Variants in CR1L observed in about 807,000 individuals in gnomAD.
CR1L encodes complement component receptor 1-like protein.
Under a neutral mutation model 62.3 loss-of-function variants are expected in CR1L, and 59 were observed. The observed-to-expected ratio is 0.95, with a 90% confidence interval of 0.77 to 1.18. CR1L has a LOEUF of 1.18. Among genes scored for constraint, CR1L ranks in the 50% most tolerant of loss-of-function variants. CR1L has a pLI of 0.00. For synonymous variants in CR1L, 279 were observed against 248.7 expected (o/e 1.12, Z -1.15); for missense variants, 700 against 702.8 (o/e 1.00, Z 0.04).
chr1:207,678,563 A>T (rs1663741905), intron 3 of CR1L, among the ~76,000 whole-genome samples: 1 of 152,146 alleles, frequency 6.6e-6, no homozygotes, highest in Non-Finnish European at 1.5e-5. Flanking sequence ...AAAATGGGGG[A>T]AGAGTATAGT....
At chr1:207,646,123 G>A (rs1238806857) in intron 1 of CR1L, among the ~76,000 whole-genome samples, 2 of 151,886 alleles carry the variant, frequency 1.3e-5, no homozygotes, top group African/African-American at 2.4e-5. Context: ...CTGCTTTTTT[G>A]GGGGGTGGGT....
At chr1:207,719,585 G>T (rs574214639) in intron 11 of CR1L, among the ~76,000 whole-genome samples, 1 of 152,072 alleles carries the variant, frequency 6.6e-6, no homozygotes, top group African/African-American at 2.4e-5. Context: ...GCTGGGCGTG[G>T]TAGTGCATGC....
At chr1:207,645,457 G>A (rs1425536549) in intron 1 of CR1L, 127 bp downstream of exon 1, 3 of 1,048,072 alleles carry the variant, frequency 2.9e-6, no homozygotes, top group Non-Finnish European at 4.3e-6. Context: ...CGAGGCCAGG[G>A]TTCTCCGAGG....
chr1:207,648,166 C>T (rs1251553259), intron 1 of CR1L, among the ~76,000 whole-genome samples: 2 of 133,158 alleles, frequency 1.5e-5, no homozygotes, highest in African/African-American at 5.7e-5. Context: ...GAGTGAGACC[C>T]GGTCTCAAAC....
intron 4 of CR1L, among the ~76,000 whole-genome samples, chr1:207,693,669 A>G (rs1222992187): frequency 3.3e-5 from 5 of 152,138 alleles, no homozygotes; most frequent in African/African-American, 1.2e-4. Context: ...AAATGAGTTG[A>G]TAAGTTTTAT....
At chr1:207,680,608 T>C (rs1017971085) in intron 3 of CR1L, among the ~76,000 whole-genome samples, 6 of 152,312 alleles carry the variant, frequency 3.9e-5, no homozygotes, top group Admixed American at 3.9e-4. Flanking sequence ...AATTGTATAT[T>C]GTGAAATTAA....
At chr1:207,657,984 G>C (rs946817746) in intron 1 of CR1L, among the ~76,000 whole-genome samples, 1 of 151,962 alleles carries the variant, frequency 6.6e-6, no homozygotes, top group Non-Finnish European at 1.5e-5. Flanking sequence ...CAACAACAAG[G>C]CCAATCCCCA....
At chr1:207,686,138 T>TCCCTCCCTTCCTCCCTC (rs1558018827) in intron 4 of CR1L, among the ~76,000 whole-genome samples, 6 of 28,922 alleles carry the variant, frequency 2.1e-4, no homozygotes, top group African/African-American at 5.1e-4. Flanking sequence ...CTCCCTCCCT[T>TCCCTCCCTTCCTCCCTC]CCTTCCTTCC....
Position 207,694,654 on chromosome 1 carries a change from G to A in CR1L, c.765G>A (p.Glu255=), listed in dbSNP as rs908428829. 22 of 1,611,774 alleles carry A rather than the reference G, an allele frequency of 1.4e-5. No individual in the cohort carries two copies. The highest frequency in any genetic ancestry group is 1.7e-5 in the Non-Finnish European group (20 of 1,179,730). Residue 255 remains glutamate (E), a synonymous_variant, in exon 5 of 12, where the codon GAG becomes GAA. Coordinates refer to ENST00000508064, the MANE Select transcript of CR1L (RefSeq NM_175710.2). Reference sequence around the variant, plus strand: ...TATTTTCCTTAAATGAAGTTGTGGAGTTTAGGTGTCAGCCTGGCTTTGGCA... The same window carrying A: ...TATTTTCCTTAAATGAAGTTGTGGAATTTAGGTGTCAGCCTGGCTTTGGCA... The part of the protein sequence containing the change: ...RSLFSLNEVV[E]FRCQPGFGMK...
At chr1:207,669,362 G>C (rs1352483176) in intron 1 of CR1L, 2 of 882,900 alleles carry the variant, frequency 2.3e-6, no homozygotes, top group Non-Finnish European at 3.6e-6. Context: ...ACAAGGATTG[G>C]TCACTCCTCT....
intron 4 of CR1L, among the ~76,000 whole-genome samples, chr1:207,685,406 C>T (rs1333534795): frequency 6.6e-6 from 1 of 152,220 alleles, no homozygotes; most frequent in Admixed American, 6.5e-5. Context: ...AGTCAGACTT[C>T]AATTCACTTG....
chr1:207,645,413 C>A, intron 1 of CR1L, 83 bp downstream of exon 1: 1 of 1,454,390 alleles, frequency 6.9e-7, no homozygotes, highest in Non-Finnish European at 9.6e-7. Flanking sequence ...CGGGGCGAAG[C>A]TCACTGCACG....
chr1:207,700,245 A>G, intron 8 of CR1L, among the ~76,000 whole-genome samples: 1 of 152,216 alleles, frequency 6.6e-6, no homozygotes, highest in East Asian at 1.9e-4. Flanking sequence ...TTTTTAGAGT[A>G]AAATTTTGGA....
At chr1:207,705,158 T>C (rs1448902558) in intron 9 of CR1L, among the ~76,000 whole-genome samples, 1 of 152,238 alleles carries the variant, frequency 6.6e-6, no homozygotes, top group South Asian at 2.1e-4. Context: ...TGTCCTCATA[T>C]GCTGTTCTCC....
In CR1L at chr1:207,722,253, A is replaced by G. The variant is rs988532194; in HGVS notation, c.1643-1365A>G. On this transcript the variant is annotated intron_variant, in intron 11 of 11. Transcript: ENST00000508064. Reference sequence around the variant, plus strand: ...TGCCGTTGCTTTTGGTGTTTTAGACATGAAGTCCTTGCCTATGCCTATGTC... The same window carrying G: ...TGCCGTTGCTTTTGGTGTTTTAGACGTGAAGTCCTTGCCTATGCCTATGTC... 1.2e-4 allele frequency among the ~76,000 whole-genome samples: 14 copies of G among 113,420 alleles called. 1 individual carries two copies. Among genetic ancestry groups the G allele is most frequent in the African/African-American group, 4.2e-4 (14 of 33,292 alleles). 74.4% of individuals were successfully genotyped at this position (113,420 alleles called of 152,430 possible).
At chr1:207,715,281 C>T (rs6677310) in intron 10 of CR1L, 351,527 of 1,373,656 alleles carry the variant, frequency 0.26, 47,996 homozygotes, top group Admixed American at 0.31. Flanking sequence ...GAATTGCTCA[C>T]ACATTTGCTA....
At chr1:207,667,454 C>T (rs1002700191) in intron 1 of CR1L, among the ~76,000 whole-genome samples, 1 of 152,190 alleles carries the variant, frequency 6.6e-6, no homozygotes, top group African/African-American at 2.4e-5. Flanking sequence ...TTACCTTCCT[C>T]TTATAAGGAT....
intron 3 of CR1L, among the ~76,000 whole-genome samples, chr1:207,680,214 A>G (rs1663773902): frequency 6.6e-6 from 1 of 152,228 alleles, no homozygotes; most frequent in Non-Finnish European, 1.5e-5. Flanking sequence ...AGGGGCAGGG[A>G]GTATATAGGA....
chr1:207,674,959 G>C (rs1663666849), intron 1 of CR1L, among the ~76,000 whole-genome samples: 1 of 151,690 alleles, frequency 6.6e-6, no homozygotes, highest in East Asian at 1.9e-4. Context: ...CTCTAACCCA[G>C]ACCCACTAAA....
Sources: gnomAD v4.1 joint callset for allele counts (sites outside exome capture counted in the v4.1 genomes callset) on GRCh38, gnomAD v4.1.1 for gene constraint, MANE v1.5 for transcripts, NCBI Gene and HGNC (gene_info 2026-07-23, HGNC 2026-07-21) for gene names.